Variants in MSI2 observed in about 807,000 individuals in gnomAD.
MSI2 encodes the protein musashi RNA binding protein 2, also known as RNA-binding protein Musashi homolog 2.
A neutral mutation model predicts 45.6 loss-of-function variants in MSI2; 17 were observed. That is an observed-to-expected ratio of 0.37 (90% CI 0.26 to 0.56). The LOEUF is 0.56. Ranked by LOEUF, MSI2 falls within the 20% of genes least tolerant of loss-of-function variation. The pLI, the probability that MSI2 is intolerant of heterozygous loss-of-function variation, is 0.77. For missense variants in MSI2, 293 were observed against 444.2 expected, an observed-to-expected ratio of 0.66 and a Z score of 3.06; for synonymous variants, 156 against 158.2, an observed-to-expected ratio of 0.99 and a Z score of 0.11.
At chr17:57,666,270 T>C (rs1013483858) in intron 11 of MSI2, among the ~76,000 whole-genome samples, 1 of 152,218 alleles carries the variant, frequency 6.6e-6, no homozygotes, top group African/African-American at 2.4e-5. Flanking sequence ...CTGTGTGGCA[T>C]TGGACACATT....
At chr17:57,560,179 C>T (rs796409174) in intron 7 of MSI2, among the ~76,000 whole-genome samples, 5 of 152,360 alleles carry the variant, frequency 3.3e-5, no homozygotes, top group African/African-American at 9.6e-5. Context: ...TTATGGTCCA[C>T]GGAAGCAGTT....
chr17:57,444,232 A>G (rs968487135), intron 6 of MSI2, among the ~76,000 whole-genome samples: 1 of 152,182 alleles, frequency 6.6e-6, no homozygotes, highest in Non-Finnish European at 1.5e-5. Context: ...CAGCGTCTAC[A>G]GTGCACCGTC....
chr17:57,518,224 C>T (rs569136883), intron 6 of MSI2, among the ~76,000 whole-genome samples: 11 of 152,166 alleles, frequency 7.2e-5, no homozygotes, highest in Non-Finnish European at 1.2e-4. Context: ...TATTTACCCT[C>T]CCTGTTTTCC....
At chr17:57,554,457 TCTC>T (rs1445009625) in intron 7 of MSI2, among the ~76,000 whole-genome samples, 2 of 152,142 alleles carry the variant, frequency 1.3e-5, no homozygotes, top group Non-Finnish European at 2.9e-5. Context: ...CCATCCCCCC[TCTC>T]CTCCTCAGCA....
intron 6 of MSI2, among the ~76,000 whole-genome samples, chr17:57,418,914 A>G (rs1345229236): frequency 1.3e-5 from 2 of 152,238 alleles, no homozygotes; most frequent in East Asian, 3.9e-4. Flanking sequence ...ATTTTTATAT[A>G]AAACCTTTAT....
At chr17:57,623,643 A>G (rs1178098616) in intron 9 of MSI2, among the ~76,000 whole-genome samples, 1 of 152,156 alleles carries the variant, frequency 6.6e-6, no homozygotes, top group East Asian at 1.9e-4. Flanking sequence ...AGGCGTCCAG[A>G]GTATTGGAGC....
chr17:57,635,377 TG>T lies in MSI2; in HGVS notation c.727+8075del, dbSNP rs1329196821. ...GGCCATGAGGGTGAGTCTGGAGGATTGTCCCTTCTCTCTGCACCCCATCTCC... is the reference window on the plus strand; with the variant it reads ...GGCCATGAGGGTGAGTCTGGAGGATTTCCCTTCTCTCTGCACCCCATCTCC... On this transcript the variant is annotated intron_variant, in intron 10 of 13. Coordinates refer to ENST00000284073, the MANE Select transcript of MSI2 (RefSeq NM_138962.4). 1.3e-5 allele frequency among the ~76,000 whole-genome samples: 2 copies of T among 152,210 alleles called. 1 individual carries two copies. Among genetic ancestry groups the T allele is most frequent in the Non-Finnish European group, 2.9e-5 (2 of 68,032 alleles).
intron 6 of MSI2, among the ~76,000 whole-genome samples, chr17:57,503,108 GTTGGCT>G (rs2086153587): frequency 1.3e-5 from 2 of 152,178 alleles, no homozygotes; most frequent in African/African-American, 4.8e-5. Flanking sequence ...ATTGTCCCCA[GTTGGCT>G]TTTCCCAAGC....
intron 6 of MSI2, among the ~76,000 whole-genome samples, chr17:57,516,067 T>C (rs922857833): frequency 6.6e-6 from 1 of 152,192 alleles, no homozygotes; most frequent in Admixed American, 6.5e-5. Context: ...TTATCAGTTT[T>C]CATGTGTATT....
chr17:57,413,695 A>G (rs2143220113), intron 6 of MSI2, among the ~76,000 whole-genome samples: 1 of 152,006 alleles, frequency 6.6e-6, no homozygotes, highest in African/African-American at 2.4e-5. Context: ...GATTCTAATA[A>G]GCTTGGTTTT....
rs1485302383 is a variant in MSI2 at position 57,674,986 on chromosome 17, C to T, written c.805C>T (p.Arg269Trp). 2 of 1,613,340 alleles carry T rather than the reference C, an allele frequency of 1.2e-6. No homozygotes were observed. The highest frequency in any genetic ancestry group is 3.3e-5 in the Admixed American group (2 of 59,996). The change falls in exon 12 of 14, where the codon CGG becomes TGG. Residue 269 changes from arginine (R) to tryptophan (W), a missense_variant. Physicochemically the swap from Arg to Trp is moderately radical, Grantham distance 101. Coordinates refer to ENST00000284073, the MANE Select transcript of MSI2 (RefSeq NM_138962.4). The part of the protein sequence containing the change: ...AARGSGSNPA[R>W]PGGFPGANSP... The stretch of plus-strand genomic sequence containing the variant: ...TTCCCCGGCAGGCTCCAACCCGGCG[C>T]GGCCCGGAGGCTTCCCGGGGGCCAA...
At position 57,462,258 on chromosome 17, in the gene MSI2, C is replaced by T. The variant is rs117165892; in HGVS notation, c.405+60787C>T. 2.1e-4 allele frequency among the ~76,000 whole-genome samples: 32 copies of T among 152,296 alleles called. No homozygotes were observed. In the East Asian group the frequency reaches 3.5e-3, roughly 17 times the overall value. ...AGTCACATTGGATTAGGGTTCTCTC[C>T]GACTTTCTCTTGCTCTGTGTCTCTC... On this transcript the variant is annotated intron_variant, in intron 6 of 13. Transcript: ENST00000284073.
At chr17:57,524,662 C>A (rs911039214) in intron 6 of MSI2, among the ~76,000 whole-genome samples, 1 of 152,192 alleles carries the variant, frequency 6.6e-6, no homozygotes, top group Non-Finnish European at 1.5e-5. Flanking sequence ...ACTAAGAAAT[C>A]CCTCTTCTTA....
At chr17:57,666,477 T>TCTTG (rs937762830) in intron 11 of MSI2, among the ~76,000 whole-genome samples, 1 of 152,258 alleles carries the variant, frequency 6.6e-6, no homozygotes, top group African/African-American at 2.4e-5. Flanking sequence ...ACTTTGTGCT[T>TCTTG]CTTGCCTCAT....
At chr17:57,690,282 T>C in the MSI2 span, among the ~76,000 whole-genome samples, 1 of 152,218 alleles carries the variant, frequency 6.6e-6, no homozygotes, top group Non-Finnish European at 1.5e-5. Flanking sequence ...ATATCTTCTT[T>C]GATGAAGTAC....
At chr17:57,332,800 T>C (rs954750704) in intron 5 of MSI2, among the ~76,000 whole-genome samples, 2 of 151,854 alleles carry the variant, frequency 1.3e-5, no homozygotes, top group Admixed American at 6.6e-5. Context: ...CCAAGGCGGG[T>C]GGATCACGAG....
At chr17:57,521,350 T>C (rs1311429141) in intron 6 of MSI2, among the ~76,000 whole-genome samples, 1 of 152,188 alleles carries the variant, frequency 6.6e-6, no homozygotes, top group African/African-American at 2.4e-5. Flanking sequence ...TAATACTCCC[T>C]TTCTCGTGGG....
chr17:57,385,000 A>G (rs996196715), intron 5 of MSI2, among the ~76,000 whole-genome samples: 1 of 152,014 alleles, frequency 6.6e-6, no homozygotes. Flanking sequence ...TTGGCCATTT[A>G]CCCAGTCCTG....
intron 7 of MSI2, among the ~76,000 whole-genome samples, chr17:57,577,842 A>G (rs1279382091): frequency 6.6e-6 from 1 of 152,214 alleles, no homozygotes; most frequent in African/African-American, 2.4e-5. Context: ...CTCGGACTCC[A>G]GCCCTTCTTT....
Sources: gnomAD v4.1 joint callset for allele counts (sites outside exome capture counted in the v4.1 genomes callset) on GRCh38, gnomAD v4.1.1 for gene constraint, MANE v1.5 for transcripts, NCBI Gene and HGNC (gene_info 2026-07-23, HGNC 2026-07-21) for gene names.